FSTL4: variants seen among roughly 807,000 people sequenced by gnomAD.
FSTL4 encodes the protein follistatin like 4.
Under a neutral mutation model 78.2 loss-of-function variants are expected in FSTL4, and 28 were observed. The ratio of observed to expected loss-of-function variants is 0.36; its 90% confidence interval spans 0.27 to 0.49. The LOEUF is 0.49. Among genes scored for constraint, FSTL4 ranks in the 20% least tolerant of loss-of-function variants. The pLI, the probability that FSTL4 is intolerant of heterozygous loss-of-function variation, is 0.98. For missense variants in FSTL4, 922 were observed against 1,084.9 expected (o/e 0.85, Z 2.11); for synonymous variants, 422 against 440.5 (o/e 0.96, Z 0.53).
the FSTL4 span, among the ~76,000 whole-genome samples, chr5:133,683,599 G>T: frequency 2.0e-5 from 3 of 152,150 alleles, no homozygotes; most frequent in African/African-American, 7.2e-5. Context: ...AATGGCTCCT[G>T]TTTCCAGCTC....
chr5:133,213,514 A>C (rs2126776722), intron 13 of FSTL4, among the ~76,000 whole-genome samples: 1 of 152,336 alleles, frequency 6.6e-6, no homozygotes, highest in South Asian at 2.1e-4. Context: ...AGGAGGGTTG[A>C]AGGAGTTGAA....
intron 6 of FSTL4, among the ~76,000 whole-genome samples, chr5:133,311,725 G>A (rs1753790927): frequency 6.6e-6 from 1 of 152,184 alleles, no homozygotes; most frequent in Admixed American, 6.5e-5. Flanking sequence ...AGTGCCCCTG[G>A]GGGTGGGGTG....
At chr5:133,330,796 T>C (rs940115967) in intron 4 of FSTL4, among the ~76,000 whole-genome samples, 7 of 152,146 alleles carry the variant, frequency 4.6e-5, no homozygotes, top group Admixed American at 1.3e-4. Flanking sequence ...TAAAGACAAG[T>C]GATTTACAAG....
At chr5:133,548,240 T>A (rs757688463) in intron 3 of FSTL4, among the ~76,000 whole-genome samples, 1 of 152,190 alleles carries the variant, frequency 6.6e-6, no homozygotes, top group Non-Finnish European at 1.5e-5. Context: ...ATGGTCAGTG[T>A]TTATAGTCAA....
At chr5:133,291,628 C>T (rs1239747861) in intron 6 of FSTL4, among the ~76,000 whole-genome samples, 6 of 152,238 alleles carry the variant, frequency 3.9e-5, no homozygotes, top group East Asian at 1.9e-4. Context: ...AGCAAATGAG[C>T]GTCTCAAGGA....
At chr5:133,783,607 T>A in the FSTL4 span, among the ~76,000 whole-genome samples, 1 of 152,212 alleles carries the variant, frequency 6.6e-6, no homozygotes, top group Non-Finnish European at 1.5e-5. Context: ...TTCCACTGTG[T>A]GCAAAATGAC....
chr5:133,668,739 G>A, the FSTL4 span, among the ~76,000 whole-genome samples: 7 of 152,126 alleles, frequency 4.6e-5, no homozygotes, highest in Admixed American at 3.3e-4. Flanking sequence ...TTGTGACATC[G>A]TCAAGCTGGG....
chr5:133,712,816 G>A, the FSTL4 span, among the ~76,000 whole-genome samples: 1 of 152,232 alleles, frequency 6.6e-6, no homozygotes, highest in African/African-American at 2.4e-5. Context: ...CCACGATGCT[G>A]TGTGGCATCT....
At chr5:133,645,908 G>T in the FSTL4 span, among the ~76,000 whole-genome samples, 1 of 152,146 alleles carries the variant, frequency 6.6e-6, no homozygotes, top group African/African-American at 2.4e-5. Flanking sequence ...GACTAACTGG[G>T]TGGCTGCAAA....
chr5:133,402,979 C>G (rs994380495), intron 3 of FSTL4, among the ~76,000 whole-genome samples: 1 of 152,222 alleles, frequency 6.6e-6, no homozygotes, highest in Non-Finnish European at 1.5e-5. Context: ...CAGGGAGGCT[C>G]TGGGCTGGAG....
the FSTL4 span, among the ~76,000 whole-genome samples, chr5:133,799,937 C>A: frequency 5.7e-5 from 8 of 139,382 alleles, 3 homozygotes; most frequent in Non-Finnish European, 9.6e-5. Flanking sequence ...TGCAGTTCAT[C>A]CCCTGCAGCA....
At chr5:133,562,650 T>G (rs1759940908) in intron 3 of FSTL4, among the ~76,000 whole-genome samples, 1 of 152,108 alleles carries the variant, frequency 6.6e-6, no homozygotes, top group Non-Finnish European at 1.5e-5. Context: ...CTGGAACATG[T>G]GCGGGAGCCA....
chr5:133,234,026 C>T (rs1416189709), intron 7 of FSTL4, among the ~76,000 whole-genome samples: 2 of 152,128 alleles, frequency 1.3e-5, no homozygotes, highest in Admixed American at 6.5e-5. Flanking sequence ...TACCCAACTC[C>T]GCCACTACAG....
intron 6 of FSTL4, among the ~76,000 whole-genome samples, chr5:133,262,068 C>T (rs756072688): frequency 2.2e-4 from 34 of 152,100 alleles, no homozygotes; most frequent in Non-Finnish European, 4.3e-4. Flanking sequence ...GACCTAACGC[C>T]ATGTCAGGCA....
rs542402850 is a variant in FSTL4, at chr5:133,453,741, T to G, written c.161-52755A>C. On this transcript the variant is annotated intron_variant, in intron 3 of 15. Transcript: ENST00000265342. ...AAGGGCCACCATGTCCAGCACGGAG[T>G]TGGTGTCCAATAAGGACTCTTAGGT... Among the ~76,000 whole-genome samples the G allele has an allele frequency of 3.1e-4, 47 of 152,264 alleles. No homozygotes were observed. In the South Asian group the frequency reaches 9.3e-3, roughly 30 times the overall value.
At chr5:133,468,859 G>A (rs1272714660) in intron 3 of FSTL4, among the ~76,000 whole-genome samples, 3 of 152,130 alleles carry the variant, frequency 2.0e-5, no homozygotes, top group Admixed American at 6.5e-5. Flanking sequence ...TGACCTATAC[G>A]TTACACAATA....
chr5:133,611,203 G>C lies in FSTL4; in HGVS notation c.-11+1122C>G, dbSNP rs901249460. On this transcript the variant is annotated intron_variant, in intron 1 of 15. Transcript: ENST00000265342. This position sits in a 1 kb window ranked among gnomAD's most constrained non-coding sequence, Gnocchi z 4.9. Reference sequence around the variant, plus strand: ...GCCCCGGCACCCGCTCTCGAGCCGCGACACCGACCTCGCCGGGCCCGCCCC... The same window carrying C: ...GCCCCGGCACCCGCTCTCGAGCCGCCACACCGACCTCGCCGGGCCCGCCCC... 3.7e-4 allele frequency among the ~76,000 whole-genome samples: 57 copies of C among 152,150 alleles called. No homozygotes were observed. Among genetic ancestry groups the C allele is most frequent in the Non-Finnish European group, 6.6e-4 (45 of 67,972 alleles).
chr5:133,280,284 T>A (rs1009448521), intron 6 of FSTL4, among the ~76,000 whole-genome samples: 1 of 152,058 alleles, frequency 6.6e-6, no homozygotes, highest in Non-Finnish European at 1.5e-5. Context: ...AGGATTTAGG[T>A]GGCAAGTGGC....
intron 6 of FSTL4, among the ~76,000 whole-genome samples, chr5:133,283,439 G>T (rs1753056255): frequency 6.6e-6 from 1 of 152,180 alleles, no homozygotes; most frequent in Non-Finnish European, 1.5e-5. Context: ...AGACACAGCT[G>T]GTGAGGAGTC....
Sources: allele counts gnomAD v4.1 joint callset (sites outside exome capture counted in the v4.1 genomes callset), GRCh38; gene constraint gnomAD v4.1.1; non-coding constraint Gnocchi (gnomAD v3.1); transcripts MANE v1.5; gene names NCBI Gene and HGNC (gene_info 2026-07-23, HGNC 2026-07-21).